C2orf49: variants seen among roughly 807,000 people sequenced by gnomAD.
C2orf49 encodes tRNA splicing ligase complex subunit 2, also known as tRNA-splicing ligase complex subunit ASW.
Under a neutral mutation model 20.6 loss-of-function variants are expected in C2orf49, and 11 were observed. The ratio of observed to expected loss-of-function variants is 0.53; its 90% CI spans 0.34 to 0.88. C2orf49 has a LOEUF of 0.88. Among genes scored for constraint, C2orf49 ranks in the 40% least tolerant of loss-of-function variants. C2orf49 has a pLI of 0.02. For synonymous variants in C2orf49, 134 were observed against 108.5 expected (o/e 1.24, Z -1.46); for missense variants, 289 against 274.2 (o/e 1.05, Z -0.38).
At chr2:105,344,816 C>T (rs1679770711) in intron 3 of C2orf49, among the ~76,000 whole-genome samples, 1 of 152,016 alleles carries the variant, frequency 6.6e-6, no homozygotes, top group South Asian at 2.1e-4. Context: ...TCTCAAACTC[C>T]TGACCTCAAG....
chr2:105,352,039 G>A (rs1679947157), downstream of C2orf49, among the ~76,000 whole-genome samples: 1 of 152,040 alleles, frequency 6.6e-6, no homozygotes, highest in African/African-American at 2.4e-5. Flanking sequence ...GAGAAACATG[G>A]CTCCTACCAA....
downstream of C2orf49, among the ~76,000 whole-genome samples, chr2:105,351,307 CACCGCG>C (rs1679926612): frequency 3.2e-5 from 4 of 123,250 alleles, no homozygotes; most frequent in Admixed American, 1.6e-4. Flanking sequence ...CATTTTTGCC[CACCGCG>C]CCCCCCCCCC....
chr2:105,377,818 GTAGGCGC>G, the C2orf49 span: 10 of 341,006 alleles, frequency 2.9e-5, no homozygotes, highest in South Asian at 9.4e-5. Context: ...ACCTGAAGGA[GTAGGCGC>G]CAGGGAGAGG....
Sources: gnomAD v4.1 joint callset for allele counts (sites outside exome capture counted in the v4.1 genomes callset) on GRCh38, gnomAD v4.1.1 for gene constraint, MANE v1.5 for transcripts, NCBI Gene and HGNC (gene_info 2026-07-23, HGNC 2026-07-21) for gene names.